The following EPB41L1 variants were observed in gnomAD, a reference collection of about 807,000 sequenced individuals.
The protein encoded by EPB41L1 is band 4.1-like protein 1.
A neutral mutation model predicts 97.8 loss-of-function variants in EPB41L1; 29 were observed. The ratio of observed to expected loss-of-function variants is 0.30; its 90% confidence interval spans 0.22 to 0.40. The LOEUF (loss-of-function observed/expected upper bound fraction) is 0.40. EPB41L1 is among the 10% of genes least tolerant of loss of function. The pLI, the probability that EPB41L1 is intolerant of heterozygous loss-of-function variation, is 1.00. For synonymous variants in EPB41L1, 383 were observed against 459.2 expected (o/e 0.83, Z 2.12); for missense variants, 812 against 1,162.3 (o/e 0.70, Z 4.38).
intron 2 of EPB41L1, among the ~76,000 whole-genome samples, chr20:36,128,808 T>C (rs1044653211): frequency 9.3e-5 from 11 of 117,996 alleles, no homozygotes; most frequent in African/African-American, 3.7e-4. Context: ...CTAGCCTCTC[T>C]CCACCTCTGG....
rs2062566444 is a variant in EPB41L1, at chr20:36,202,755, G to A, written c.1668+4714G>A. Among the ~76,000 whole-genome samples, 3 of 149,804 alleles carry A rather than the reference G, an allele frequency of 2.0e-5. No individual in the cohort carries two copies. The South Asian group carries it at 6.3e-4, about 31-fold the overall frequency. On this transcript the variant is annotated intron_variant, in intron 14 of 21. Transcript: ENST00000338074. Reference sequence around the variant, plus strand: ...TTGAACTCGGGAGGCGGCTGTCAGTGAGGCAAGATCACGCCTCTGCACTCC... The same window carrying A: ...TTGAACTCGGGAGGCGGCTGTCAGTAAGGCAAGATCACGCCTCTGCACTCC...
At chr20:36,144,848 C>A (rs909263082) in intron 2 of EPB41L1, among the ~76,000 whole-genome samples, 17 of 152,156 alleles carry the variant, frequency 1.1e-4, no homozygotes, top group Non-Finnish European at 1.9e-4. Context: ...GTATTAGCTC[C>A]ATTAATCCTT....
rs2146340319 is a variant in EPB41L1 at position 36,190,491 on chromosome 20, C to T, written c.1124+117C>T. 1 of 1,527,332 alleles carries T rather than the reference C, an allele frequency of 6.5e-7. No homozygotes were observed. Among genetic ancestry groups the T allele is most frequent in the Non-Finnish European group, 9.0e-7 (1 of 1,113,566 alleles). 94.6% of individuals were successfully genotyped at this position (1,527,332 alleles called of 1,614,324 possible). A position where few individuals can be genotyped will look rare whatever the true frequency, so the allele number is the denominator to read the frequency against. On this transcript the variant is annotated intron_variant, in intron 10 of 21. Coordinates refer to ENST00000338074, the MANE Select transcript of EPB41L1 (RefSeq NM_012156.2). This position sits in a 1 kb window ranked among gnomAD's most constrained non-coding sequence, Gnocchi z 5.8. Reference sequence around the variant, plus strand: ...AAGTCCTCCACCCTTTCCCCAAGTCCCTCCCTTCCTGGACCACTTTGAATT... The same window carrying T: ...AAGTCCTCCACCCTTTCCCCAAGTCTCTCCCTTCCTGGACCACTTTGAATT...
chr20:36,151,185 G>C (rs980034476), upstream of EPB41L1: 1 of 152,344 alleles, frequency 6.6e-6, no homozygotes. Flanking sequence ...AATCACTTCC[G>C]TTCTCCTCCT....
intron 14 of EPB41L1, among the ~76,000 whole-genome samples, chr20:36,204,444 A>G: frequency 7.4e-6 from 1 of 135,864 alleles, no homozygotes; most frequent in South Asian, 2.6e-4. Context: ...CTGTTGGGAG[A>G]TGGCCTAACA....
At chr20:36,145,834 GTTT>G (rs1876403440) in intron 2 of EPB41L1, among the ~76,000 whole-genome samples, 1 of 152,176 alleles carries the variant, frequency 6.6e-6, no homozygotes, top group South Asian at 2.1e-4. Context: ...AGTGCACTTG[GTTT>G]GTCATTCAAG....
intron 1 of EPB41L1, among the ~76,000 whole-genome samples, chr20:36,165,401 C>G (rs2060697301): frequency 1.3e-5 from 2 of 152,034 alleles, no homozygotes; most frequent in Non-Finnish European, 2.9e-5. Context: ...AGGAAACATG[C>G]TCAGAAAGAG....
chr20:36,199,346 G>T (rs570876339), intron 14 of EPB41L1, among the ~76,000 whole-genome samples: 26 of 152,202 alleles, frequency 1.7e-4, no homozygotes, highest in African/African-American at 6.3e-4. Context: ...AATCACAGCT[G>T]CCTAGGAGCA....
Position 36,173,899 on chromosome 20 carries a change from A to C in EPB41L1, c.122A>C (p.Glu41Ala). Residue 41 changes from glutamate to alanine, a missense_variant, in exon 2 of 22, where the codon GAG becomes GCG. Glu to Ala is a moderately radical substitution (Grantham distance 107). Coordinates refer to ENST00000338074, the MANE Select transcript of EPB41L1 (RefSeq NM_012156.2). Reference sequence around the variant, plus strand: ...ACCCCTGCAGGCCACGGCCACCCAGAGGCCAACTCCAATGAGAAGCATCCA... The same window carrying C: ...ACCCCTGCAGGCCACGGCCACCCAGCGGCCAACTCCAATGAGAAGCATCCA... ...PVTPAGHGHPEANSNEKHPSQ... is the reference protein window; with the variant it reads ...PVTPAGHGHPAANSNEKHPSQ... 1 of 1,613,966 alleles carries C rather than the reference A, an allele frequency of 6.2e-7. No homozygotes were observed. Among genetic ancestry groups the C allele is most frequent in the East Asian group, 2.2e-5 (1 of 44,858 alleles).
chr20:36,178,893 C>T (rs2061362288), intron 5 of EPB41L1, among the ~76,000 whole-genome samples: 1 of 151,168 alleles, frequency 6.6e-6, no homozygotes. Flanking sequence ...CCTGTCCCTA[C>T]TAAAAAAAAA....
chr20:36,129,735 G>A (rs985740647), intron 2 of EPB41L1, among the ~76,000 whole-genome samples: 7 of 151,970 alleles, frequency 4.6e-5, no homozygotes, highest in African/African-American at 1.2e-4. Flanking sequence ...AAATAATACC[G>A]TTTTTTAATT....
At chr20:36,229,026 C>G (rs2064353465) in intron 21 of EPB41L1, among the ~76,000 whole-genome samples, 1 of 152,044 alleles carries the variant, frequency 6.6e-6, no homozygotes, top group Non-Finnish European at 1.5e-5. Flanking sequence ...TCTCTGCTGC[C>G]ACACACAAGC....
intron 1 of EPB41L1, among the ~76,000 whole-genome samples, chr20:36,097,695 G>A (rs1329767009): frequency 6.6e-6 from 1 of 152,220 alleles, no homozygotes; most frequent in Non-Finnish European, 1.5e-5. Context: ...CAGAGATGGT[G>A]TTTGGGCTGG....
intron 2 of EPB41L1, among the ~76,000 whole-genome samples, chr20:36,118,010 G>T (rs1400275069): frequency 6.6e-6 from 1 of 152,206 alleles, no homozygotes. Flanking sequence ...TGTTAGGGGG[G>T]CATCCCTCTG....
intron 7 of EPB41L1, among the ~76,000 whole-genome samples, chr20:36,187,268 A>C (rs2061721487): frequency 6.6e-6 from 1 of 152,254 alleles, no homozygotes; most frequent in Admixed American, 6.5e-5. Context: ...TTCTGATACT[A>C]AATTCTGCAA....
At chr20:36,200,275 C>A (rs2062428808) in intron 14 of EPB41L1, among the ~76,000 whole-genome samples, 1 of 152,188 alleles carries the variant, frequency 6.6e-6, no homozygotes, top group African/African-American at 2.4e-5. Context: ...AAAGCACTTT[C>A]TCAACTGGAA....
chr20:36,197,572 G>A (rs2062269024), intron 13 of EPB41L1: 1 of 939,150 alleles, frequency 1.1e-6, no homozygotes. Context: ...GGTAGAGGTT[G>A]GCTGTTCAGA....
At chr20:36,099,826 T>C (rs1247794091) in intron 1 of EPB41L1, among the ~76,000 whole-genome samples, 1 of 152,250 alleles carries the variant, frequency 6.6e-6, no homozygotes, top group Non-Finnish European at 1.5e-5. Flanking sequence ...GTTGCAACTT[T>C]AGGCCCAGAA....
chr20:36,179,081 A>AG (rs2061370693), intron 5 of EPB41L1, among the ~76,000 whole-genome samples: 3 of 151,058 alleles, frequency 2.0e-5, no homozygotes, highest in East Asian at 3.9e-4. Flanking sequence ...TCTCGAAAAA[A>AG]GAAAAAAAAA....
Sources: allele counts gnomAD v4.1 joint callset (sites outside exome capture counted in the v4.1 genomes callset), GRCh38; gene constraint gnomAD v4.1.1; non-coding constraint Gnocchi (gnomAD v3.1); transcripts MANE v1.5; gene names NCBI Gene and HGNC (gene_info 2026-07-23, HGNC 2026-07-21).